NPSR1: variants seen among roughly 807,000 people sequenced by gnomAD.
The protein encoded by NPSR1 is neuropeptide S receptor.
In NPSR1, 48 loss-of-function variants were observed where a neutral mutation model predicts 46.9. That is an observed-to-expected ratio of 1.02 (90% CI 0.81 to 1.30). The LOEUF (loss-of-function observed/expected upper bound fraction) is 1.30, where lower values mean the gene tolerates loss of function less well. Among genes scored for constraint, NPSR1 ranks in the 50% most tolerant of loss-of-function variants. NPSR1 has a pLI of 0.00. For missense variants in NPSR1, 450 were observed against 449.5 expected (o/e 1.00, Z -0.01); for synonymous variants, 176 against 168.1 (o/e 1.05, Z -0.36).
chr7:34,848,563 T>G lies in NPSR1; in HGVS notation c.925T>G (p.Phe309Val). 1 of 1,614,192 alleles carries G rather than the reference T, an allele frequency of 6.2e-7. No individual in the cohort carries two copies. The highest frequency in any genetic ancestry group is 1.7e-5 in the Admixed American group (1 of 60,028). Residue 309 changes from phenylalanine (F) to valine (V), a missense_variant, in exon 8 of 9, where the codon TTC (phenylalanine) becomes GTC (valine). Physicochemically the swap from Phe to Val is conservative, Grantham distance 50. Coordinates refer to ENST00000360581, the MANE Select transcript of NPSR1 (RefSeq NM_207172.2). ...FNLLPDTQERFYASVIIQNLP... is the reference protein window; with the variant it reads ...FNLLPDTQERVYASVIIQNLP... ...CCTCCTTCCAGACACCCAGGAGCGT[T>G]TCTATGCCTCTGTGATCATTCAGAA...
At position 34,663,067 on chromosome 7, in the gene NPSR1, C is replaced by CTCTCTCTCTGTGTGTGTGTGTG. The variant is rs35826710; in HGVS notation, c.147+4509_147+4510insCTCTCTCTGTGTGTGTGTGTGT. Among the ~76,000 whole-genome samples, 901 of 99,398 alleles carry CTCTCTCTCTGTGTGTGTGTGTG rather than the reference C, an allele frequency of 9.1e-3. 18 individuals carry two copies. The highest frequency in any genetic ancestry group is 0.047 in the African/African-American group (835 of 17,622). The allele number at this position is 99,398 out of a possible 152,430, so 65.2% of individuals were successfully genotyped here. A position where few individuals can be genotyped will look rare whatever the true frequency, so the allele number is the denominator to read the frequency against. On this transcript the variant is annotated intron_variant, in intron 1 of 8. Transcript: ENST00000360581. Reference sequence around the variant, plus strand: ...TCTCTCTCTCTCTCTCTCTCTCTCTCTGTGTGTGTGTGTGTATGTGTGTGT... The same window carrying CTCTCTCTCTGTGTGTGTGTGTG: ...TCTCTCTCTCTCTCTCTCTCTCTCTCTCTCTCTCTGTGTGTGTGTGTGTGTGTGTGTGTGTGTATGTGTGTGT...
At chr7:34,709,464 T>G (rs1794279320) in intron 2 of NPSR1, among the ~76,000 whole-genome samples, 1 of 152,166 alleles carries the variant, frequency 6.6e-6, no homozygotes, top group Non-Finnish European at 1.5e-5. Flanking sequence ...CTAGACATAG[T>G]CTGTATAGCT....
intron 2 of NPSR1, among the ~76,000 whole-genome samples, chr7:34,702,632 T>C (rs190263030): frequency 5.0e-4 from 76 of 152,366 alleles, no homozygotes; most frequent in African/African-American, 1.7e-3. Context: ...CAGTGATCCA[T>C]TGGATGATTG....
chr7:34,661,430 C>T (rs1791446541), intron 1 of NPSR1, among the ~76,000 whole-genome samples: 1 of 152,136 alleles, frequency 6.6e-6, no homozygotes, highest in Non-Finnish European at 1.5e-5. Context: ...TGTCTTGCTC[C>T]GTCCACTTAC....
rs1794036743 is a variant in NPSR1, at chr7:34,705,171, A to G, written c.280+20487A>G. Among the ~76,000 whole-genome samples the G allele has an allele frequency of 3.9e-5, 6 of 152,164 alleles. No homozygotes were observed. In the South Asian group the frequency reaches 1.2e-3, roughly 32 times the overall value. ...GTTGGACGTGGTGGCTCATGCTTGT[A>G]ATCCCAGCACTTTGGGAGGCTGAGG... On this transcript the variant is annotated intron_variant, in intron 2 of 8. Transcript: ENST00000360581.
chr7:34,746,806 G>C (rs1182876673), intron 2 of NPSR1, among the ~76,000 whole-genome samples: 1 of 152,146 alleles, frequency 6.6e-6, no homozygotes, highest in African/African-American at 2.4e-5. Context: ...GGAGTATGCA[G>C]GGAGGAGGAG....
chr7:34,772,446 T>G (rs938333654), intron 2 of NPSR1, among the ~76,000 whole-genome samples: 9 of 152,186 alleles, frequency 5.9e-5, no homozygotes, highest in African/African-American at 2.2e-4. Context: ...CAGTTCTCTG[T>G]CTGACTAGAA....
At chr7:34,715,661 A>G (rs1008348459) in intron 2 of NPSR1, among the ~76,000 whole-genome samples, 1 of 152,242 alleles carries the variant, frequency 6.6e-6, no homozygotes, top group African/African-American at 2.4e-5. Context: ...TTGAGATGGT[A>G]GAGTCCTCAG....
chr7:34,822,118 G>A (rs539601489), intron 4 of NPSR1, among the ~76,000 whole-genome samples: 1 of 152,294 alleles, frequency 6.6e-6, no homozygotes, highest in East Asian at 1.9e-4. Flanking sequence ...GCCTTGTAGA[G>A]GATGAACTGA....
At chr7:34,690,080 C>G (rs898101887) in intron 2 of NPSR1, among the ~76,000 whole-genome samples, 2 of 152,052 alleles carry the variant, frequency 1.3e-5, no homozygotes, top group African/African-American at 4.8e-5. Context: ...CCTCACATAC[C>G]CAGTACACGG....
intron 2 of NPSR1, among the ~76,000 whole-genome samples, chr7:34,764,519 G>A (rs956686160): frequency 1.3e-5 from 2 of 152,200 alleles, no homozygotes; most frequent in Non-Finnish European, 2.9e-5. Context: ...TTGAGTAGCT[G>A]TTACAGAGAC....
In NPSR1 at chr7:34,751,951, G is replaced by A. The variant is rs557457435; in HGVS notation, c.281-26511G>A. The A allele has an allele frequency of 5.5e-5, 63 of 1,152,876 alleles. No individual in the cohort carries two copies. The South Asian group carries it at 7.6e-4, about 14-fold the overall frequency. The allele number at this position is 1,152,876 out of a possible 1,614,324, so 71.4% of individuals were successfully genotyped here. ...TGTTCCTGAGGCAACTGGAAGTGGG[G>A]GTGACGTTTGCCCAGAGAAGTCTTT... On this transcript the variant is annotated intron_variant, in intron 2 of 8. Coordinates refer to ENST00000360581, the MANE Select transcript of NPSR1 (RefSeq NM_207172.2).
chr7:34,703,328 G>A (rs7357105), intron 2 of NPSR1, among the ~76,000 whole-genome samples: 21,844 of 151,994 alleles, frequency 0.14, 2,082 homozygotes, highest in East Asian at 0.34. Flanking sequence ...CCGAGATCGC[G>A]CCACTGCCCT....
chr7:34,848,568 T>G lies in NPSR1; in HGVS notation c.930T>G (p.Tyr310Ter). ...TTCCAGACACCCAGGAGCGTTTCTA[T>G]GCCTCTGTGATCATTCAGAACCTGC... ...NLLPDTQERF[Y>*]ASVIIQNLPA... Residue 310 changes from tyrosine (Y) to a stop codon, truncating the protein, a stop_gained, in exon 8 of 9, where the codon TAT (tyrosine) becomes TAG (stop). Coordinates refer to ENST00000360581, the MANE Select transcript of NPSR1 (RefSeq NM_207172.2). LOFTEE classifies it high-confidence loss of function. 6.2e-7 allele frequency: 1 copy of G among 1,614,220 alleles called. No individual in the cohort carries two copies. Among genetic ancestry groups the G allele is most frequent in the Non-Finnish European group, 8.5e-7 (1 of 1,180,038 alleles).
At chr7:34,811,379 C>T (rs1296430588) in intron 3 of NPSR1, among the ~76,000 whole-genome samples, 1 of 152,062 alleles carries the variant, frequency 6.6e-6, no homozygotes, top group Non-Finnish European at 1.5e-5. Flanking sequence ...CCCTCCTTCT[C>T]TTCTCTCCTT....
intron 2 of NPSR1, among the ~76,000 whole-genome samples, chr7:34,764,208 C>T (rs781482034): frequency 2.3e-4 from 35 of 152,128 alleles, no homozygotes; most frequent in Non-Finnish European, 2.6e-4. Flanking sequence ...TGTATGTATG[C>T]GTTATTTCTT....
chr7:34,780,817 G>T (rs1275638038), intron 3 of NPSR1, among the ~76,000 whole-genome samples: 4 of 152,114 alleles, frequency 2.6e-5, no homozygotes, highest in African/African-American at 9.7e-5. Context: ...GACTCCACTT[G>T]CAAGGCTGTC....
chr7:34,755,317 A>C (rs1785772407), intron 2 of NPSR1, among the ~76,000 whole-genome samples: 1 of 152,236 alleles, frequency 6.6e-6, no homozygotes, highest in African/African-American at 2.4e-5. Context: ...AGAGTCAGTC[A>C]GGGTGGGAGG....
intron 1 of NPSR1, among the ~76,000 whole-genome samples, chr7:34,663,077 G>GTGTGTGTGTGTGTT (rs1791548724): frequency 1.8e-5 from 1 of 55,048 alleles, no homozygotes; most frequent in African/African-American, 1.2e-4. Context: ...CTGTGTGTGT[G>GTGTGTGTGTGTGTT]TGTGTATGTG....
Sources: gnomAD v4.1 joint callset for allele counts (sites outside exome capture counted in the v4.1 genomes callset) on GRCh38, gnomAD v4.1.1 for gene constraint, MANE v1.5 for transcripts, NCBI Gene and HGNC (gene_info 2026-07-23, HGNC 2026-07-21) for gene names.